The following CALN1 variants were observed in gnomAD, a reference collection of about 807,000 sequenced individuals.
The protein encoded by CALN1 is calneuron 1.
In CALN1, 17 loss-of-function variants were observed where a neutral mutation model predicts 30.6. The observed-to-expected ratio is 0.56, with a 90% CI of 0.38 to 0.83. The LOEUF is 0.83. Among genes scored for constraint, CALN1 ranks in the 40% least tolerant of loss-of-function variants. The pLI is 0.00. For synonymous variants in CALN1, 156 were observed against 131.4 expected (o/e 1.19, Z -1.28); for missense variants, 291 against 354.9 (o/e 0.82, Z 1.45).
chr7:71,997,785 A>T (rs1396982642), intron 5 of CALN1, among the ~76,000 whole-genome samples: 2 of 152,196 alleles, frequency 1.3e-5, no homozygotes, highest in Non-Finnish European at 2.9e-5. Flanking sequence ...CAAGTTGTGA[A>T]AAATAAAAAT....
intron 3 of CALN1, among the ~76,000 whole-genome samples, chr7:72,232,206 T>C (rs1028596800): frequency 6.6e-6 from 1 of 152,150 alleles, no homozygotes; most frequent in Admixed American, 6.5e-5. Context: ...GCAAGGGGTT[T>C]AGATTTGGGC....
chr7:72,147,436 G>C (rs1786844330), intron 3 of CALN1, among the ~76,000 whole-genome samples: 1 of 148,518 alleles, frequency 6.7e-6, no homozygotes, highest in South Asian at 2.1e-4. Context: ...ACACCAGTTA[G>C]AATGGTGATC....
rs558872828 is a variant in CALN1, at chr7:71,978,903, T to A, written c.501+44754A>T. The stretch of plus-strand genomic sequence containing the variant: ...ACAATTCTCTGTGGATCTCTTACAT[T>A]TCTGTATGTCTTATAAGCACAGGCA... On this transcript the variant is annotated intron_variant, in intron 5 of 6. Coordinates refer to ENST00000395275, the MANE Select transcript of CALN1 (RefSeq NM_031468.4). Among the ~76,000 whole-genome samples, 5 of 152,358 alleles carry A rather than the reference T, an allele frequency of 3.3e-5. No homozygotes were observed. In the South Asian group the frequency reaches 1.0e-3, roughly 32 times the overall value.
chr7:71,929,520 C>A (rs1795441237), intron 5 of CALN1, among the ~76,000 whole-genome samples: 1 of 152,198 alleles, frequency 6.6e-6, no homozygotes, highest in African/African-American at 2.4e-5. Context: ...ACCACATTTT[C>A]TTTATCCAGT....
intron 2 of CALN1, among the ~76,000 whole-genome samples, chr7:72,339,655 AG>A (rs1398855669): frequency 6.6e-6 from 1 of 152,240 alleles, no homozygotes; most frequent in African/African-American, 2.4e-5. Context: ...CAAAGGAAAG[AG>A]GTTTAATGGA....
At chr7:72,402,154 G>C (rs374636198) in intron 2 of CALN1, among the ~76,000 whole-genome samples, 3 of 145,994 alleles carry the variant, frequency 2.1e-5, no homozygotes, top group South Asian at 2.1e-4. Context: ...CAGAGGCTAA[G>C]AGAGTGGCTT....
Position 72,239,693 on chromosome 7 carries a change from GAA to G in CALN1, c.244+38991_244+38992del, listed in dbSNP as rs5884877. The stretch of plus-strand genomic sequence containing the variant: ...CAACAGAATAACGTGGGATGCTACA[GAA>G]AAAAAAAATGTGGATTTTCTAATGA... On this transcript the variant is annotated intron_variant, in intron 3 of 6. Transcript: ENST00000395275. 4.0e-5 allele frequency among the ~76,000 whole-genome samples: 6 copies of G among 151,116 alleles called. No homozygotes were observed. The South Asian group carries it at 8.3e-4, about 21-fold the overall frequency.
At chr7:71,915,099 C>A (rs59058667) in intron 5 of CALN1, among the ~76,000 whole-genome samples, 57 of 152,214 alleles carry the variant, frequency 3.7e-4, no homozygotes, top group African/African-American at 1.3e-3. Flanking sequence ...TCTCCACTGC[C>A]CTGGGTCTCT....
intron 5 of CALN1, among the ~76,000 whole-genome samples, chr7:71,881,682 C>A (rs1792576860): frequency 1.3e-5 from 2 of 152,116 alleles, no homozygotes; most frequent in South Asian, 2.1e-4. Context: ...CTATCCCGGG[C>A]TCTCCATGAT....
At chr7:71,951,000 G>A (rs1029332138) in intron 5 of CALN1, among the ~76,000 whole-genome samples, 2 of 152,046 alleles carry the variant, frequency 1.3e-5, no homozygotes, top group African/African-American at 2.4e-5. Context: ...GTCTATCCCC[G>A]TTTTATTTCT....
At chr7:71,881,838 G>A (rs1296927694) in intron 5 of CALN1, among the ~76,000 whole-genome samples, 9 of 151,878 alleles carry the variant, frequency 5.9e-5, no homozygotes, top group African/African-American at 1.9e-4. Flanking sequence ...TTTGGGAGAC[G>A]TAGGTGGGAG....
At chr7:72,150,215 T>C (rs957522671) in intron 3 of CALN1, among the ~76,000 whole-genome samples, 2 of 151,946 alleles carry the variant, frequency 1.3e-5, no homozygotes, top group African/African-American at 4.8e-5. Context: ...ATCTTTTGCA[T>C]ATGCAAGATG....
At chr7:71,882,364 T>TC (rs1234186389) in intron 5 of CALN1, among the ~76,000 whole-genome samples, 1 of 152,130 alleles carries the variant, frequency 6.6e-6, no homozygotes, top group East Asian at 1.9e-4. Context: ...TCCAGAAGAA[T>TC]CTCTCCTTCT....
chr7:72,314,364 T>TACATACATATAC lies in CALN1; in HGVS notation c.120-35555_120-35554insGTATATGTATGT, dbSNP rs1554365665. Among the ~76,000 whole-genome samples, 234 of 116,856 alleles carry TACATACATATAC rather than the reference T, an allele frequency of 2.0e-3. 1 individual carries two copies. Among genetic ancestry groups the TACATACATATAC allele is most frequent in the Non-Finnish European group, 2.8e-3 (185 of 65,216 alleles). The allele number at this position is 116,856 out of a possible 152,430, so 76.7% of individuals were successfully genotyped here. ...ATATATATATACATATATATACATATACATATATACACATATATACACATA... is the reference window on the plus strand; with the variant it reads ...ATATATATATACATATATATACATATACATACATATACACATATATACACATATATACACATA... On this transcript the variant is annotated intron_variant, in intron 2 of 6. Transcript: ENST00000395275.
At chr7:71,836,680 G>C (rs970235078) in intron 5 of CALN1, among the ~76,000 whole-genome samples, 1 of 148,878 alleles carries the variant, frequency 6.7e-6, no homozygotes, top group Non-Finnish European at 1.5e-5. Context: ...GTGCAGTGGC[G>C]GATCCTGGCT....
chr7:72,293,340 G>A (rs1005699413), intron 2 of CALN1, among the ~76,000 whole-genome samples: 1 of 152,090 alleles, frequency 6.6e-6, no homozygotes, highest in African/African-American at 2.4e-5. Context: ...CTGCCCAATA[G>A]GAACTAAAAG....
intron 2 of CALN1, among the ~76,000 whole-genome samples, chr7:72,357,558 G>T (rs1803308178): frequency 1.3e-5 from 2 of 151,934 alleles, no homozygotes; most frequent in African/African-American, 4.8e-5. Flanking sequence ...TGAGCATCAT[G>T]AATGAGGTTT....
intron 5 of CALN1, among the ~76,000 whole-genome samples, chr7:71,862,667 T>C (rs1046101441): frequency 1.3e-5 from 2 of 152,216 alleles, no homozygotes; most frequent in African/African-American, 4.8e-5. Context: ...AAAACCACTC[T>C]TGTAATTGCT....
intron 2 of CALN1, among the ~76,000 whole-genome samples, chr7:72,357,848 T>TTATA (rs201947126): frequency 6.8e-6 from 1 of 147,686 alleles, no homozygotes; most frequent in Non-Finnish European, 1.5e-5. Context: ...TTATATATAT[T>TTATA]TATATTTATA....
Sources: gnomAD v4.1 joint callset for allele counts (sites outside exome capture counted in the v4.1 genomes callset) on GRCh38, gnomAD v4.1.1 for gene constraint, MANE v1.5 for transcripts, NCBI Gene and HGNC (gene_info 2026-07-23, HGNC 2026-07-21) for gene names.